The following SFXN5 variants were observed in gnomAD, a reference collection of about 807,000 sequenced individuals.
SFXN5 encodes the protein sideroflexin-5.
A neutral mutation model predicts 50.2 loss-of-function variants in SFXN5; 43 were observed. The ratio of observed to expected loss-of-function variants is 0.86; its 90% confidence interval spans 0.67 to 1.11. SFXN5 has a LOEUF of 1.11. SFXN5 is among the 50% of genes least tolerant of loss of function. The pLI is 0.00. For synonymous variants in SFXN5, 203 were observed against 185.8 expected (o/e 1.09, Z -0.75); for missense variants, 463 against 454.1 (o/e 1.02, Z -0.18).
At chr2:73,041,032 G>A (rs1389001880) in intron 2 of SFXN5, 101 bp from the exon 3 acceptor site, 3 of 872,346 alleles carry the variant, frequency 3.4e-6, no homozygotes, top group Non-Finnish European at 5.3e-6. Context: ...GCCAGTGCAA[G>A]GCTTTGGGCC....
At chr2:72,979,375 T>C (rs1318533740) in intron 10 of SFXN5, among the ~76,000 whole-genome samples, 3 of 137,944 alleles carry the variant, frequency 2.2e-5, no homozygotes, top group Non-Finnish European at 3.3e-5. Flanking sequence ...GGCTCATGCC[T>C]GTAATCCCAG....
chr2:72,976,755 T>C (rs1445931340), intron 10 of SFXN5, among the ~76,000 whole-genome samples: 1 of 152,238 alleles, frequency 6.6e-6, no homozygotes, highest in Non-Finnish European at 1.5e-5. Context: ...ACACTAATTA[T>C]AGTTCTCTTC....
Position 72,992,673 on chromosome 2 carries a change from T to C in SFXN5, c.535-4325A>G, listed in dbSNP as rs1351707596. ...ATCTCCCGGATGTCATGAATGCAGCTGTTTGCTCTCCCTGCTCCCAACACT... is the reference window on the plus strand; with the variant it reads ...ATCTCCCGGATGTCATGAATGCAGCCGTTTGCTCTCCCTGCTCCCAACACT... On this transcript the variant is annotated intron_variant, in intron 9 of 13. Transcript: ENST00000272433. The surrounding 1 kb of genome is among the most constrained non-coding windows in gnomAD (Gnocchi z 4.5). Among the ~76,000 whole-genome samples, 1 of 152,206 alleles carries C rather than the reference T, an allele frequency of 6.6e-6. No individual in the cohort carries two copies. The highest frequency in any genetic ancestry group is 1.5e-5 in the Non-Finnish European group (1 of 68,038).
At chr2:72,962,068 A>G (rs1673810254) in intron 12 of SFXN5, among the ~76,000 whole-genome samples, 1 of 152,224 alleles carries the variant, frequency 6.6e-6, no homozygotes, top group Non-Finnish European at 1.5e-5. Context: ...CAGCTGGCCA[A>G]TGTGCCTGCA....
At chr2:73,026,715 T>TTTTA (rs1341144938) in intron 3 of SFXN5, among the ~76,000 whole-genome samples, 1 of 151,872 alleles carries the variant, frequency 6.6e-6, no homozygotes, top group African/African-American at 2.4e-5. Flanking sequence ...TATTATTTTA[T>TTTTA]TTTATTTATT....
intron 11 of SFXN5, among the ~76,000 whole-genome samples, chr2:72,969,044 G>T (rs1240054489): frequency 6.6e-6 from 1 of 152,086 alleles, no homozygotes; most frequent in Non-Finnish European, 1.5e-5. Flanking sequence ...CTGACCTCAG[G>T]TGATCCGCCC....
rs754122941 is a variant in SFXN5 at position 72,942,726 on chromosome 2, G to A, written c.*2296C>T. On this transcript the variant is annotated 3_prime_UTR_variant, in exon 14 of 14. Transcript: ENST00000272433. ...TTGCCACTGCACCGCCACAGGAGCA[G>A]ACCCCTTGGCTCACCTGAAGCTGCA... 6.6e-6 allele frequency: 1 copy of A among 152,322 alleles called. No homozygotes were observed. The highest frequency in any genetic ancestry group is 1.5e-5 in the Non-Finnish European group (1 of 68,138). The allele number at this position is 152,322 out of a possible 1,614,324, so 9.4% of individuals were successfully genotyped here. A position where few individuals can be genotyped will look rare whatever the true frequency, so the allele number is the denominator to read the frequency against.
chr2:72,981,999 G>A (rs778429924), intron 10 of SFXN5, among the ~76,000 whole-genome samples: 11 of 150,482 alleles, frequency 7.3e-5, no homozygotes, highest in Admixed American at 1.3e-4. Context: ...GTGTGTGTGC[G>A]TGCCATTTTG....
At chr2:73,036,788 G>C (rs375437790) in intron 3 of SFXN5, among the ~76,000 whole-genome samples, 6 of 152,224 alleles carry the variant, frequency 3.9e-5, no homozygotes, top group Admixed American at 3.9e-4. Context: ...ACACGAAAAG[G>C]GCTGGGGACT....
chr2:73,006,119 C>A (rs1008485299), intron 6 of SFXN5, among the ~76,000 whole-genome samples: 5 of 152,092 alleles, frequency 3.3e-5, no homozygotes, highest in African/African-American at 1.2e-4. Context: ...AGGCCTCATG[C>A]CTTCCTGCTT....
rs1308620959 is a variant in SFXN5 at position 73,047,273 on chromosome 2, T to TACAC, written c.172-6343_172-6342insGTGT. 3.3e-4 allele frequency among the ~76,000 whole-genome samples: 21 copies of TACAC among 63,930 alleles called. 1 individual carries two copies. Among genetic ancestry groups the TACAC allele is most frequent in the African/African-American group, 2.2e-4 (3 of 13,416 alleles). The allele number at this position is 63,930 out of a possible 152,430, so 41.9% of individuals were successfully genotyped here. On this transcript the variant is annotated intron_variant, in intron 2 of 13. Transcript: ENST00000272433. ...ATATATATATATATATATATATATA[T>TACAC]ATACACACATATATATATATATATA...
intron 1 of SFXN5, among the ~76,000 whole-genome samples, chr2:73,066,724 G>A (rs2106069404): frequency 6.6e-6 from 1 of 152,190 alleles, no homozygotes; most frequent in South Asian, 2.1e-4. Context: ...AATGGGCCAG[G>A]CATGGTGGCT....
chr2:72,977,564 T>C (rs1403495406), intron 10 of SFXN5, among the ~76,000 whole-genome samples: 1 of 152,220 alleles, frequency 6.6e-6, no homozygotes, highest in Admixed American at 6.5e-5. Flanking sequence ...TTAAAGGGTT[T>C]ACAAACAGCT....
In SFXN5 at chr2:73,000,547, C is replaced by T. The variant is rs1453896267; in HGVS notation, c.412-60G>A. ...GTGGTCACCTCCCTGGAAGCCAGGC[C>T]TGGACCCCAGGAGGCCACACATCCC... is the stretch of plus-strand genomic sequence containing the variant. On this transcript the variant is annotated intron_variant, in intron 7 of 13. Coordinates refer to ENST00000272433, the MANE Select transcript of SFXN5 (RefSeq NM_144579.3). The T allele has an allele frequency of 4.6e-6, 7 of 1,516,082 alleles. No individual in the cohort carries two copies. In the Admixed American group the frequency reaches 1.4e-4, roughly 30 times the overall value. 93.9% of individuals were successfully genotyped at this position (1,516,082 alleles called of 1,614,324 possible).
intron 6 of SFXN5, among the ~76,000 whole-genome samples, chr2:73,003,153 G>A (rs1457546389): frequency 1.3e-5 from 2 of 152,064 alleles, no homozygotes; most frequent in African/African-American, 4.8e-5. Context: ...ATGGGACAGG[G>A]GGGTGGGTGA....
intron 2 of SFXN5, among the ~76,000 whole-genome samples, chr2:73,047,232 AAAAAAAAAAAAAAATATATATATATATAT>A (rs1680469891): frequency 6.4e-5 from 4 of 62,722 alleles, no homozygotes; most frequent in Admixed American, 2.3e-4. Flanking sequence ...AAAAAAAAAA[AAAAAAAAAAAAAAATATATATATATATAT>A]ATATATATAT....
chr2:73,051,691 G>A (rs1312873977), intron 2 of SFXN5, among the ~76,000 whole-genome samples: 1 of 152,192 alleles, frequency 6.6e-6, no homozygotes, highest in African/African-American at 2.4e-5. Context: ...CGTCTGTGCT[G>A]CTATAACAGA....
intron 3 of SFXN5, among the ~76,000 whole-genome samples, chr2:73,032,033 A>G (rs1302388948): frequency 1.3e-5 from 2 of 152,226 alleles, no homozygotes; most frequent in African/African-American, 2.4e-5. Flanking sequence ...GCTGGATTAA[A>G]TGTTGACTTT....
rs895550844 is a variant in SFXN5, at chr2:72,992,276, G to A, written c.535-3928C>T. On this transcript the variant is annotated intron_variant, in intron 9 of 13. Coordinates refer to ENST00000272433, the MANE Select transcript of SFXN5 (RefSeq NM_144579.3). The surrounding 1 kb of genome is among the most constrained non-coding windows in gnomAD (Gnocchi z 4.5). ...ACCAGGAGCTATGGGTGGGGTGGGA[G>A]CTTCATGACACCAAATCTTTAGTGT... Among the ~76,000 whole-genome samples, 2 of 152,172 alleles carry A rather than the reference G, an allele frequency of 1.3e-5. No individual in the cohort carries two copies. Among genetic ancestry groups the A allele is most frequent in the African/African-American group, 4.8e-5 (2 of 41,432 alleles).
Sources: allele counts gnomAD v4.1 joint callset (sites outside exome capture counted in the v4.1 genomes callset), GRCh38; gene constraint gnomAD v4.1.1; non-coding constraint Gnocchi (gnomAD v3.1); transcripts MANE v1.5; gene names NCBI Gene and HGNC (gene_info 2026-07-23, HGNC 2026-07-21).